STK33: variants seen among roughly 807,000 people sequenced by gnomAD.
STK33 encodes the protein serine/threonine kinase 33, also known as serine/threonine-protein kinase 33.
In STK33, 52 loss-of-function variants were observed where a neutral mutation model predicts 58.0. That is an observed-to-expected ratio of 0.90 (90% confidence interval 0.72 to 1.13). The LOEUF (loss-of-function observed/expected upper bound fraction) is 1.13, where lower values mean the gene tolerates loss of function less well. STK33 is among the 50% of genes most tolerant of loss of function. The pLI, the probability that STK33 is intolerant of heterozygous loss-of-function variation, is 0.00. For synonymous variants in STK33, 215 were observed against 200.1 expected (o/e 1.07, Z -0.63); for missense variants, 630 against 604.2 (o/e 1.04, Z -0.45).
chr11:8,570,913 A>G (rs1312079478), intron 1 of STK33, among the ~76,000 whole-genome samples: 6 of 152,204 alleles, frequency 3.9e-5, no homozygotes, highest in Non-Finnish European at 7.3e-5. Flanking sequence ...CACAGAGGAC[A>G]GTTCTGCTTC....
chr11:8,371,907 A>C, the STK33 span, among the ~76,000 whole-genome samples: 1 of 135,476 alleles, frequency 7.4e-6, no homozygotes, highest in Non-Finnish European at 1.5e-5. Flanking sequence ...TTTTTTTGAG[A>C]CTGGGTCTCA....
intron 1 of STK33, among the ~76,000 whole-genome samples, chr11:8,537,649 G>C (rs1398489070): frequency 1.3e-5 from 2 of 151,822 alleles, no homozygotes; most frequent in African/African-American, 2.4e-5. Context: ...GCTCATGCCT[G>C]TAATCCCAGC....
At chr11:8,389,544 T>C (rs1479556745), downstream of STK33, among the ~76,000 whole-genome samples, 2 of 152,214 alleles carry the variant, frequency 1.3e-5, no homozygotes, top group Non-Finnish European at 2.9e-5. Flanking sequence ...ACAGCCATTA[T>C]AGGACGCAAC....
intron 1 of STK33, among the ~76,000 whole-genome samples, chr11:8,533,961 G>A (rs1954755193): frequency 6.6e-6 from 1 of 152,140 alleles, no homozygotes; most frequent in South Asian, 2.1e-4. Flanking sequence ...CAGAACTACA[G>A]AGTCCATGTT....
chr11:8,510,211 G>C (rs1159263353), intron 1 of STK33, among the ~76,000 whole-genome samples: 1 of 152,090 alleles, frequency 6.6e-6, no homozygotes, highest in Non-Finnish European at 1.5e-5. Context: ...CAGGAGTAAG[G>C]TATCTCATTG....
At chr11:8,526,612 T>C (rs1200373294) in intron 1 of STK33, among the ~76,000 whole-genome samples, 2 of 152,082 alleles carry the variant, frequency 1.3e-5, no homozygotes, top group African/African-American at 2.4e-5. Context: ...ACAACCCAAA[T>C]GGCCATCAAC....
At position 8,426,570 on chromosome 11, in the gene STK33, G is replaced by A. The variant is rs892220104; in HGVS notation, c.1146+8924C>T. On this transcript the variant is annotated intron_variant, in intron 14 of 15. Transcript: ENST00000687296. ...CCCAAAGTGCTGGGATTATAGGCGT[G>A]AGCCACCATGCCCAGCCTGTTTTCT... Among the ~76,000 whole-genome samples, 9 of 152,192 alleles carry A rather than the reference G, an allele frequency of 5.9e-5. No homozygotes were observed. The East Asian group carries it at 9.6e-4, about 16-fold the overall frequency.
intron 15 of STK33, among the ~76,000 whole-genome samples, chr11:8,410,283 C>T (rs577090075): frequency 3.3e-5 from 5 of 152,124 alleles, no homozygotes; most frequent in East Asian, 3.9e-4. Flanking sequence ...AAATGTTTTA[C>T]GAACACATAC....
chr11:8,426,668 T>A (rs1564927623), intron 14 of STK33, among the ~76,000 whole-genome samples: 1 of 152,240 alleles, frequency 6.6e-6, no homozygotes. Flanking sequence ...ACTGACCTTG[T>A]CGATCTTTTC....
chr11:8,423,188 T>C (rs190618568), intron 14 of STK33, among the ~76,000 whole-genome samples: 2,987 of 116,574 alleles, frequency 0.026, 60 homozygotes, highest in Middle Eastern at 0.053. Context: ...ATTTATTTTG[T>C]TTTTTTTTCA....
intron 15 of STK33, among the ~76,000 whole-genome samples, chr11:8,402,662 A>C (rs1318013497): frequency 6.6e-6 from 1 of 152,244 alleles, no homozygotes; most frequent in Admixed American, 6.5e-5. Context: ...TTTCATTGAA[A>C]CCATTCCTCT....
In STK33 at chr11:8,474,711, G is replaced by T. The variant is rs767459231; in HGVS notation, c.195C>A (p.Ile65=). The T allele has an allele frequency of 6.2e-7, 1 of 1,611,402 alleles. No individual in the cohort carries two copies. The stretch of plus-strand genomic sequence containing the variant: ...CTTTCCTGGAGGTTATATCTCTGTT[G>T]ATATTTTTTTCTTTTTTTCTCTCCA... ...ISLERKKEKN[I]NRDITSRKDL... The change falls in exon 5 of 16, where the codon ATC becomes ATA. Residue 65 remains isoleucine (I), a synonymous_variant. Transcript: ENST00000687296.
At chr11:8,378,280 A>T in the STK33 span, among the ~76,000 whole-genome samples, 1 of 152,244 alleles carries the variant, frequency 6.6e-6, no homozygotes, top group Non-Finnish European at 1.5e-5. Flanking sequence ...GCACTTCGGG[A>T]GGCCGAGGTG....
At chr11:8,428,238 T>C (rs189487263) in intron 14 of STK33, among the ~76,000 whole-genome samples, 6 of 152,338 alleles carry the variant, frequency 3.9e-5, no homozygotes, top group Admixed American at 3.3e-4. Flanking sequence ...TTTCCTTGGC[T>C]TCTCATTCAG....
chr11:8,361,360 C>A, the STK33 span, among the ~76,000 whole-genome samples: 1 of 152,174 alleles, frequency 6.6e-6, no homozygotes. The surrounding 1 kb of genome is among the most constrained non-coding windows in gnomAD (Gnocchi z 4.8). Context: ...GTCCAGCCTG[C>A]ACCTCATTCC....
chr11:8,410,644 T>C (rs570925634), intron 15 of STK33, among the ~76,000 whole-genome samples: 1 of 152,174 alleles, frequency 6.6e-6, no homozygotes, highest in South Asian at 2.1e-4. Context: ...AGCTACTTTT[T>C]GTATTTTTAG....
At chr11:8,584,743 T>C (rs1016060197) in intron 1 of STK33, among the ~76,000 whole-genome samples, 4 of 152,110 alleles carry the variant, frequency 2.6e-5, no homozygotes, top group African/African-American at 7.2e-5. Context: ...AAACAGGAGA[T>C]AGACCCTTTC....
At chr11:8,565,668 C>T (rs1012029447) in intron 1 of STK33, 4 of 152,184 alleles carry the variant, frequency 2.6e-5, no homozygotes, top group African/African-American at 9.7e-5. Context: ...TAAATAAGTA[C>T]ACAGTAAGGG....
intron 1 of STK33, among the ~76,000 whole-genome samples, chr11:8,509,593 T>C (rs902976266): frequency 2.0e-5 from 3 of 152,152 alleles, no homozygotes; most frequent in African/African-American, 4.8e-5. Context: ...ATTTCTGAGA[T>C]TGTGATGCAC....
Sources: allele counts gnomAD v4.1 joint callset (sites outside exome capture counted in the v4.1 genomes callset), GRCh38; gene constraint gnomAD v4.1.1; non-coding constraint Gnocchi (gnomAD v3.1); transcripts MANE v1.5; gene names NCBI Gene and HGNC (gene_info 2026-07-23, HGNC 2026-07-21).